The following NTM variants were observed in gnomAD, a reference collection of about 807,000 sequenced individuals.
The protein encoded by NTM is IgLON family member 2.
NTM carries 13 observed loss-of-function variants against 42.1 expected under a neutral mutation model. The observed-to-expected ratio is 0.31, with a 90% confidence interval of 0.20 to 0.49. NTM has a LOEUF of 0.49. NTM is among the 20% of genes least tolerant of loss of function. The pLI, the probability that NTM is intolerant of heterozygous loss-of-function variation, is 0.99. For synonymous variants in NTM, 187 were observed against 179.2 expected (o/e 1.04, Z -0.35); for missense variants, 373 against 452.8 (o/e 0.82, Z 1.60).
At chr11:132,155,296 C>T (rs537894224) in intron 3 of NTM, among the ~76,000 whole-genome samples, 3 of 152,252 alleles carry the variant, frequency 2.0e-5, no homozygotes, top group South Asian at 2.1e-4. Context: ...TCCCATAATT[C>T]GATTTGGAGA....
intron 4 of NTM, among the ~76,000 whole-genome samples, chr11:132,224,889 C>A (rs551255646): frequency 6.6e-6 from 1 of 152,266 alleles, no homozygotes; most frequent in East Asian, 1.9e-4. Context: ...TCCCTTATTG[C>A]CTATTCGGGA....
chr11:131,521,936 A>G (rs762399234), intron 1 of NTM, among the ~76,000 whole-genome samples: 8 of 152,150 alleles, frequency 5.3e-5, no homozygotes, highest in African/African-American at 9.7e-5. Flanking sequence ...TCATAAATTC[A>G]TGTTTCTCTC....
chr11:131,584,024 T>C (rs2137211015), intron 1 of NTM, among the ~76,000 whole-genome samples: 1 of 152,270 alleles, frequency 6.6e-6, no homozygotes, highest in African/African-American at 2.4e-5. Context: ...TAGCTACAAG[T>C]GATGTTTTAT....
chr11:131,433,209 A>T (rs1948833917), intron 1 of NTM, among the ~76,000 whole-genome samples: 1 of 152,132 alleles, frequency 6.6e-6, no homozygotes, highest in Admixed American at 6.5e-5. Context: ...TTCCTAATAG[A>T]TAGTTTTACA....
intron 1 of NTM, among the ~76,000 whole-genome samples, chr11:131,449,914 C>A (rs1441587231): frequency 6.6e-6 from 1 of 152,188 alleles, no homozygotes; most frequent in East Asian, 1.9e-4. Context: ...ACTCACTCCA[C>A]TTGTTCGTTC....
At chr11:131,512,563 C>T (rs2048388403) in intron 1 of NTM, among the ~76,000 whole-genome samples, 1 of 152,224 alleles carries the variant, frequency 6.6e-6, no homozygotes, top group Admixed American at 6.5e-5. Context: ...GTGCTCCTCC[C>T]TCTCTACTGC....
intron 1 of NTM, among the ~76,000 whole-genome samples, chr11:131,813,121 G>A (rs903087252): frequency 1.3e-5 from 2 of 152,136 alleles, no homozygotes; most frequent in Non-Finnish European, 2.9e-5. Flanking sequence ...TCAAAGTTAC[G>A]CCTTCGGGGG....
chr11:132,029,318 C>A (rs1435478835), intron 2 of NTM, among the ~76,000 whole-genome samples: 1 of 151,532 alleles, frequency 6.6e-6, no homozygotes, highest in Non-Finnish European at 1.5e-5. Flanking sequence ...TTAGTTATAT[C>A]TCCTAAAGCT....
intron 1 of NTM, among the ~76,000 whole-genome samples, chr11:131,618,317 G>T (rs1027122428): frequency 6.6e-6 from 1 of 152,116 alleles, no homozygotes; most frequent in African/African-American, 2.4e-5. Flanking sequence ...AGGGTATTTC[G>T]TAAACTCCCT....
At chr11:132,273,533 C>T (rs1315809283) in intron 4 of NTM, among the ~76,000 whole-genome samples, 1 of 151,924 alleles carries the variant, frequency 6.6e-6, no homozygotes, top group Non-Finnish European at 1.5e-5. Flanking sequence ...ACCAGTGATC[C>T]ATCTATGCCT....
intron 4 of NTM, among the ~76,000 whole-genome samples, chr11:132,294,697 C>G (rs920596538): frequency 6.6e-6 from 1 of 152,154 alleles, no homozygotes; most frequent in Non-Finnish European, 1.5e-5. Context: ...AGGAAAGTCA[C>G]AGGAGCATGT....
intron 4 of NTM, among the ~76,000 whole-genome samples, chr11:132,232,576 T>C (rs2087840968): frequency 6.6e-6 from 1 of 152,218 alleles, no homozygotes; most frequent in Admixed American, 6.5e-5. Flanking sequence ...GCTCTGCCAG[T>C]TACTAAGTGG....
intron 1 of NTM, among the ~76,000 whole-genome samples, chr11:131,412,243 A>G (rs1342367195): frequency 2.0e-5 from 3 of 152,158 alleles, no homozygotes; most frequent in Non-Finnish European, 4.4e-5. Flanking sequence ...GTAAGTTCTC[A>G]TCATGAAACA....
At chr11:131,788,041 C>A (rs369580987) in intron 1 of NTM, among the ~76,000 whole-genome samples, 16 of 152,134 alleles carry the variant, frequency 1.1e-4, no homozygotes, top group African/African-American at 3.9e-4. Context: ...CTGTTTTCTT[C>A]TTCATCAGAC....
intron 1 of NTM, among the ~76,000 whole-genome samples, chr11:131,502,540 CA>C (rs1264639519): frequency 6.6e-6 from 1 of 152,152 alleles, no homozygotes; most frequent in East Asian, 1.9e-4. Context: ...ATCACAGAGG[CA>C]AGTTGACGAG....
At chr11:132,152,087 C>A (rs1041859574) in intron 3 of NTM, among the ~76,000 whole-genome samples, 3 of 152,204 alleles carry the variant, frequency 2.0e-5, no homozygotes, top group Non-Finnish European at 4.4e-5. Flanking sequence ...GGTAGCTACA[C>A]CCTAGAGACC....
chr11:131,481,318 T>C (rs746521397), intron 1 of NTM, among the ~76,000 whole-genome samples: 4 of 152,202 alleles, frequency 2.6e-5, no homozygotes, highest in Non-Finnish European at 5.9e-5. Flanking sequence ...GGTGAAAGTG[T>C]GTGGCTCCCA....
At chr11:132,262,358 C>T (rs1020120417) in intron 4 of NTM, among the ~76,000 whole-genome samples, 2 of 152,154 alleles carry the variant, frequency 1.3e-5, no homozygotes, top group Non-Finnish European at 2.9e-5. Context: ...ATTTTGTTTG[C>T]CACTGGCCAC....
At chr11:132,304,048 G>A (rs2094975844) in intron 4 of NTM, among the ~76,000 whole-genome samples, 1 of 152,194 alleles carries the variant, frequency 6.6e-6, no homozygotes. Flanking sequence ...TTGCCTCTTA[G>A]GACGATGATC....
Sources: gnomAD v4.1 joint callset for allele counts (sites outside exome capture counted in the v4.1 genomes callset) on GRCh38, gnomAD v4.1.1 for gene constraint, MANE v1.5 for transcripts, NCBI Gene and HGNC (gene_info 2026-07-23, HGNC 2026-07-21) for gene names.